CCDC186: variants seen among roughly 807,000 people sequenced by gnomAD.
The protein encoded by CCDC186 is coiled-coil domain containing 186, also known as coiled-coil domain-containing protein 186.
A neutral mutation model predicts 113.7 loss-of-function variants in CCDC186; 49 were observed. The ratio of observed to expected loss-of-function variants is 0.43; its 90% CI spans 0.34 to 0.55. CCDC186 has a LOEUF of 0.55. Ranked by LOEUF, CCDC186 falls within the 20% of genes least tolerant of loss-of-function variation. The pLI is 0.02. For synonymous variants in CCDC186, 355 were observed against 345.8 expected (o/e 1.03, Z -0.30); for missense variants, 890 against 1,011.1 (o/e 0.88, Z 1.62).
rs1189441986 is a variant in CCDC186 at position 114,149,551 on chromosome 10, AG to A, written c.888+1540del. On this transcript the variant is annotated intron_variant, in intron 4 of 15. Coordinates refer to ENST00000369287, the MANE Select transcript of CCDC186 (RefSeq NM_018017.4). Reference sequence around the variant, plus strand: ...AAGGAAGGAAAGGGAAGGGAAGGGAAGGGAAGGAAAGGAAAGGGAAGGGAAG... The same window carrying A: ...AAGGAAGGAAAGGGAAGGGAAGGGAAGGAAGGAAAGGAAAGGGAAGGGAAG... Among the ~76,000 whole-genome samples the A allele has an allele frequency of 5.9e-3, 642 of 109,170 alleles. 7 individuals carry two copies. The highest frequency in any genetic ancestry group is 0.022 in the African/African-American group (601 of 27,628). The allele number at this position is 109,170 out of a possible 152,430, so 71.6% of individuals were successfully genotyped here.
chr10:114,146,865 CA>C (rs1212127046), intron 4 of CCDC186, among the ~76,000 whole-genome samples: 1 of 151,738 alleles, frequency 6.6e-6, no homozygotes, highest in Admixed American at 6.6e-5. Context: ...AAAATGGCTG[CA>C]AAAATGTTTC....
At chr10:114,173,451 G>A (rs1017072681) in intron 1 of CCDC186, among the ~76,000 whole-genome samples, 1 of 152,020 alleles carries the variant, frequency 6.6e-6, no homozygotes, top group African/African-American at 2.4e-5. Flanking sequence ...TACCAACCAA[G>A]GTTTATGAAA....
intron 1 of CCDC186, chr10:114,168,149 A>C (rs1447909960): frequency 2.0e-5 from 3 of 152,194 alleles, no homozygotes; most frequent in Non-Finnish European, 4.4e-5. Context: ...TTTCTCCCTT[A>C]GAGTTGTTTC....
chr10:114,134,635 C>T (rs959711195), intron 10 of CCDC186, among the ~76,000 whole-genome samples: 1 of 152,106 alleles, frequency 6.6e-6, no homozygotes, highest in African/African-American at 2.4e-5. Flanking sequence ...GCATAAGTAA[C>T]AGAATTTGAA....
intron 10 of CCDC186, among the ~76,000 whole-genome samples, chr10:114,134,283 C>G (rs1196254495): frequency 6.6e-6 from 1 of 152,268 alleles, no homozygotes. Context: ...AGAAAAGATG[C>G]TAGAAGATGG....
chr10:114,132,235 A>T, intron 10 of CCDC186, 51 bp from the exon 11 acceptor site: 1 of 1,301,604 alleles, frequency 7.7e-7, no homozygotes, highest in Non-Finnish European at 1.0e-6. Context: ...AAAAGACATT[A>T]AATTAATGGT....
chr10:114,145,726 T>A lies in CCDC186; in HGVS notation c.924A>T (p.Lys308Asn). The change falls in exon 5 of 16, where the codon AAA (lysine) becomes AAT (asparagine). Residue 308 changes from lysine (K) to asparagine (N), a missense_variant. Coordinates refer to ENST00000369287, the MANE Select transcript of CCDC186 (RefSeq NM_018017.4). ...NKKCEEARQE[K>N]EAMVMKYVRG... is the part of the protein sequence containing the mutation. ...TTACATATTTCATTACCATTGCTTC[T>A]TTTTCTTGGCGTGCCTCTTCACATT... 6.2e-7 allele frequency: 1 copy of A among 1,601,222 alleles called. No homozygotes were observed. The highest frequency in any genetic ancestry group is 2.2e-5 in the East Asian group (1 of 44,700).
chr10:114,164,579 G>A (rs1186046624), intron 1 of CCDC186, among the ~76,000 whole-genome samples: 1 of 152,152 alleles, frequency 6.6e-6, no homozygotes, highest in Non-Finnish European at 1.5e-5. Context: ...TATCAACAAA[G>A]CATGTACAAG....
At chr10:114,166,592 T>A (rs575394674) in intron 1 of CCDC186, among the ~76,000 whole-genome samples, 1 of 152,316 alleles carries the variant, frequency 6.6e-6, no homozygotes, top group East Asian at 1.9e-4. Context: ...AACTCTTAAG[T>A]CTCATGCAAT....
At chr10:114,143,614 C>T (rs2031545169) in intron 6 of CCDC186, among the ~76,000 whole-genome samples, 1 of 152,156 alleles carries the variant, frequency 6.6e-6, no homozygotes, top group African/African-American at 2.4e-5. Flanking sequence ...TCTAATCTAC[C>T]TTTGACCACT....
intron 6 of CCDC186, among the ~76,000 whole-genome samples, chr10:114,143,475 C>T (rs1217551029): frequency 6.6e-6 from 1 of 152,192 alleles, no homozygotes; most frequent in African/African-American, 2.4e-5. Flanking sequence ...ATTTAGATGG[C>T]TTAGCCGTGT....
At chr10:114,135,860 C>G (rs1336196442) in intron 9 of CCDC186, 31 bp downstream of exon 9, 1 of 1,489,100 alleles carries the variant, frequency 6.7e-7, no homozygotes, top group Admixed American at 1.7e-5. Flanking sequence ...ATTTACCCTT[C>G]CTCTGGATTC....
At chr10:114,134,889 A>G in intron 10 of CCDC186, 24 bp downstream of exon 10, 1 of 1,591,850 alleles carries the variant, frequency 6.3e-7, no homozygotes, top group Non-Finnish European at 8.5e-7. Context: ...TTATTAATAC[A>G]AACAGAAGTT....
In CCDC186 at chr10:114,163,313, T is replaced by G; in HGVS notation, c.-45A>C. The G allele has an allele frequency of 6.4e-7, 1 of 1,559,322 alleles. No individual in the cohort carries two copies. The highest frequency in any genetic ancestry group is 8.6e-7 in the Non-Finnish European group (1 of 1,163,112). ...CTTTGTAATTCTTCAAATCTGCTCC[T>G]GATCTTCGTTTTACATCTAAGAAAT... On this transcript the variant is annotated 5_prime_UTR_variant, in exon 2 of 16. Transcript: ENST00000369287.
chr10:114,159,279 A>C (rs2032095444), intron 2 of CCDC186, among the ~76,000 whole-genome samples: 1 of 152,090 alleles, frequency 6.6e-6, no homozygotes, highest in African/African-American at 2.4e-5. Context: ...TATAGTTCAC[A>C]AGTGAACAAC....
At chr10:114,147,788 T>C (rs1439064417) in intron 4 of CCDC186, among the ~76,000 whole-genome samples, 7 of 151,156 alleles carry the variant, frequency 4.6e-5, no homozygotes, top group Non-Finnish European at 8.8e-5. Context: ...AGATAGGGGG[T>C]AGAAAATAAT....
chr10:114,127,029 GCAAT>G (rs1273826679), intron 14 of CCDC186, among the ~76,000 whole-genome samples: 1 of 151,906 alleles, frequency 6.6e-6, no homozygotes, highest in Admixed American at 6.6e-5. Flanking sequence ...GTGGTTGTAA[GCAAT>G]CAATGAGATA....
chr10:114,137,315 C>T, intron 6 of CCDC186, 25 bp from the exon 7 acceptor site: 1 of 1,547,618 alleles, frequency 6.5e-7, no homozygotes, highest in Non-Finnish European at 8.9e-7. Flanking sequence ...GACAGAGACA[C>T]AGTTGGGTAC....
chr10:114,150,440 G>T (rs192639296), intron 4 of CCDC186, among the ~76,000 whole-genome samples: 1 of 152,100 alleles, frequency 6.6e-6, no homozygotes, highest in Non-Finnish European at 1.5e-5. Context: ...AAAAGTATAT[G>T]ACCATGTACA....
Sources: allele counts gnomAD v4.1 joint callset (sites outside exome capture counted in the v4.1 genomes callset), GRCh38; gene constraint gnomAD v4.1.1; transcripts MANE v1.5; gene names NCBI Gene and HGNC (gene_info 2026-07-23, HGNC 2026-07-21).